MTHFD1: variants seen among roughly 807,000 people sequenced by gnomAD.
The protein encoded by MTHFD1 is C-1-tetrahydrofolate synthase, cytoplasmic.
In MTHFD1, 44 loss-of-function variants were observed where a neutral mutation model predicts 110.3. The observed-to-expected ratio is 0.40, with a 90% CI of 0.31 to 0.51. The LOEUF (loss-of-function observed/expected upper bound fraction) is 0.51. Ranked by LOEUF, MTHFD1 falls within the 20% of genes least tolerant of loss-of-function variation. The probability of loss-of-function intolerance (pLI) is 0.60; values close to 1 mark genes in which losing one functional copy is unlikely to be tolerated. For synonymous variants in MTHFD1, 402 were observed against 428.8 expected, an observed-to-expected ratio of 0.94 and a Z score of 0.77; for missense variants, 909 against 1,173.1, an observed-to-expected ratio of 0.77 and a Z score of 3.29.
intron 2 of MTHFD1, among the ~76,000 whole-genome samples, chr14:64,407,178 C>T (rs530064050): frequency 6.6e-6 from 1 of 152,030 alleles, no homozygotes; most frequent in Non-Finnish European, 1.5e-5. Flanking sequence ...ATAAGAGATA[C>T]TAATGGGCTA....
chr14:64,455,270 G>T, intron 26 of MTHFD1: 1 of 212,702 alleles, frequency 4.7e-6, no homozygotes, highest in Admixed American at 5.2e-5. Context: ...TAGGGACAGA[G>T]GTTTTACTGA....
At chr14:64,395,787 G>A (rs781251576) in intron 1 of MTHFD1, among the ~76,000 whole-genome samples, 6 of 152,120 alleles carry the variant, frequency 3.9e-5, no homozygotes, top group Non-Finnish European at 8.8e-5. Context: ...CCATAACAAA[G>A]GATGATCTGG....
chr14:64,423,640 C>T (rs1380457310), intron 8 of MTHFD1, among the ~76,000 whole-genome samples: 2 of 151,744 alleles, frequency 1.3e-5, no homozygotes, highest in Non-Finnish European at 2.9e-5. Context: ...AGGTGATCCA[C>T]CCGCCTTGGC....
intron 1 of MTHFD1, among the ~76,000 whole-genome samples, chr14:64,391,006 C>A (rs1371075622): frequency 6.6e-6 from 1 of 152,166 alleles, no homozygotes; most frequent in African/African-American, 2.4e-5. Flanking sequence ...ATTAGGAAAT[C>A]ATTTGAGGCC....
intron 12 of MTHFD1, among the ~76,000 whole-genome samples, chr14:64,428,086 G>A (rs908412301): frequency 4.7e-5 from 7 of 150,080 alleles, no homozygotes; most frequent in African/African-American, 9.8e-5. Flanking sequence ...TTATTGCTGC[G>A]GTACTAAGAA....
intron 1 of MTHFD1, chr14:64,388,900 C>T (rs2077784126): frequency 3.9e-6 from 1 of 256,048 alleles, no homozygotes; most frequent in Non-Finnish European, 7.6e-6. Context: ...GAGGGTCCTT[C>T]CAGCTCATAG....
At chr14:64,390,741 C>T (rs577673841) in intron 1 of MTHFD1, among the ~76,000 whole-genome samples, 135 of 151,484 alleles carry the variant, frequency 8.9e-4, no homozygotes, top group African/African-American at 3.2e-3. Context: ...CTCCACCTCC[C>T]AGGTTCAAGC....
chr14:64,448,956 T>G (rs559628764), intron 23 of MTHFD1: 1 of 228,898 alleles, frequency 4.4e-6, no homozygotes, highest in Non-Finnish European at 8.7e-6. Flanking sequence ...CCTGCCACCA[T>G]GCCCAGCTAA....
intron 23 of MTHFD1, chr14:64,448,596 A>C: frequency 4.4e-6 from 2 of 450,970 alleles, no homozygotes; most frequent in Admixed American, 6.8e-5. Context: ...TTTCATCTTT[A>C]GAGGCCTTTT....
At chr14:64,411,617 T>C (rs1055796764) in intron 3 of MTHFD1, among the ~76,000 whole-genome samples, 1 of 152,118 alleles carries the variant, frequency 6.6e-6, no homozygotes, top group Non-Finnish European at 1.5e-5. Flanking sequence ...AGATGACAGA[T>C]GGCCGGACGC....
intron 26 of MTHFD1, among the ~76,000 whole-genome samples, chr14:64,456,076 G>A (rs898119418): frequency 7.9e-5 from 12 of 152,192 alleles, no homozygotes; most frequent in Non-Finnish European, 1.3e-4. Context: ...GCTGAAAGAC[G>A]GGTAGCTGTA....
chr14:64,459,171 C>T (rs967110588), intron 27 of MTHFD1, among the ~76,000 whole-genome samples: 1 of 152,170 alleles, frequency 6.6e-6, no homozygotes, highest in Non-Finnish European at 1.5e-5. Context: ...GGGTTTGCCA[C>T]CCCACATCTC....
intron 11 of MTHFD1, 50 bp downstream of exon 11, chr14:64,426,242 A>G (rs372496930): frequency 1.2e-6 from 2 of 1,608,766 alleles, no homozygotes; most frequent in African/African-American, 1.3e-5. Context: ...CAGTCCTGAT[A>G]CTAAGGCGTT....
chr14:64,388,453 G>C lies in MTHFD1; in HGVS notation c.26G>C (p.Gly9Ala). MAPAEILN[G>A]KEISAQIRAR... Reference sequence around the variant, plus strand: ...ATGGCGCCAGCAGAAATCCTGAACGGGAAGGAGATCTCCGCGTAAGCACCT... The same window carrying C: ...ATGGCGCCAGCAGAAATCCTGAACGCGAAGGAGATCTCCGCGTAAGCACCT... Residue 9 changes from glycine (G) to alanine (A), a missense_variant, in exon 1 of 28, where the codon GGG (glycine) becomes GCG (alanine). Gly to Ala is a moderately conservative substitution (Grantham distance 60). Transcript: ENST00000652337. 1 of 1,614,028 alleles carries C rather than the reference G, an allele frequency of 6.2e-7. No individual in the cohort carries two copies. Among genetic ancestry groups the C allele is most frequent in the Admixed American group, 1.7e-5 (1 of 60,004 alleles).
intron 2 of MTHFD1, among the ~76,000 whole-genome samples, chr14:64,405,893 T>C (rs917944900): frequency 3.3e-5 from 5 of 152,012 alleles, no homozygotes; most frequent in African/African-American, 1.2e-4. Flanking sequence ...GTGTTTTAGA[T>C]GTTGGAATCT....
At position 64,440,258 on chromosome 14, in the gene MTHFD1, G is replaced by A. The variant is rs146862861; in HGVS notation, c.1807G>A (p.Glu603Lys). ...TAAGAAAGGAGAGCCCGTCAGTGCC[G>A]AAGATCTGGTGGGTACCCAGACACG... Reference protein sequence around the residue: ...SSKKGEPVSAEDLGVSGALTV... With the variant: ...SSKKGEPVSAKDLGVSGALTV... The change falls in exon 18 of 28, where the codon GAA (glutamate) becomes AAA (lysine). Residue 603 changes from glutamate to lysine, a missense_variant. This residue lies in a region of MTHFD1 where 482 missense variants were observed against 646.0 expected (regional missense o/e 0.75). Transcript: ENST00000652337. The A allele has an allele frequency of 2.9e-5, 47 of 1,614,172 alleles. No homozygotes were observed. Among genetic ancestry groups the A allele is most frequent in the African/African-American group, 2.1e-4 (16 of 75,046 alleles).
chr14:64,459,957 C>T lies in MTHFD1; in HGVS notation c.*203C>T. The T allele has an allele frequency of 1.3e-6, 2 of 1,519,050 alleles. No individual in the cohort carries two copies. Among genetic ancestry groups the T allele is most frequent in the Non-Finnish European group, 1.8e-6 (2 of 1,132,444 alleles). 94.1% of individuals were successfully genotyped at this position (1,519,050 alleles called of 1,614,324 possible). The stretch of plus-strand genomic sequence containing the variant: ...ATAAATTAACATAAATCATGCATGT[C>T]TGTTTACTTTAGTGACGTTCCACAG... On this transcript the variant is annotated 3_prime_UTR_variant, in exon 28 of 28. Coordinates refer to ENST00000652337, the MANE Select transcript of MTHFD1 (RefSeq NM_005956.4).
At chr14:64,434,949 C>CTTTTTTTTTTTTTTTTT (rs374039248) in intron 15 of MTHFD1, among the ~76,000 whole-genome samples, 1 of 80,824 alleles carries the variant, frequency 1.2e-5, no homozygotes, top group Non-Finnish European at 2.4e-5. Context: ...TCCCTCTTTT[C>CTTTTTTTTTTTTTTTTT]TTTTTTTTTT....
intron 1 of MTHFD1, among the ~76,000 whole-genome samples, chr14:64,392,792 A>G (rs2077817148): frequency 6.6e-6 from 1 of 152,222 alleles, no homozygotes; most frequent in South Asian, 2.1e-4. Flanking sequence ...TTGTTGGTAC[A>G]TGGTAAGTTT....
Sources: gnomAD v4.1 joint callset for allele counts (sites outside exome capture counted in the v4.1 genomes callset) on GRCh38, gnomAD v4.1.1 for gene constraint, gnomAD v4.1.1 regional missense constraint, MANE v1.5 for transcripts, NCBI Gene and HGNC (gene_info 2026-07-23, HGNC 2026-07-21) for gene names.